The following DNAJC1 variants were observed in gnomAD, a reference collection of about 807,000 sequenced individuals.
DNAJC1 encodes the protein DnaJ heat shock protein family (Hsp40) member C1.
Under a neutral mutation model 76.6 loss-of-function variants are expected in DNAJC1, and 58 were observed. The ratio of observed to expected loss-of-function variants is 0.76; its 90% CI spans 0.61 to 0.94. The LOEUF (loss-of-function observed/expected upper bound fraction) is 0.94. DNAJC1 is among the 40% of genes least tolerant of loss of function. The pLI is 0.00. For missense variants in DNAJC1, 689 were observed against 677.3 expected, an observed-to-expected ratio of 1.02 and a Z score of -0.19; for synonymous variants, 258 against 267.9, an observed-to-expected ratio of 0.96 and a Z score of 0.36.
intron 1 of DNAJC1, among the ~76,000 whole-genome samples, chr10:21,967,466 A>G (rs1837912127): frequency 6.6e-6 from 1 of 152,116 alleles, no homozygotes; most frequent in African/African-American, 2.4e-5. Context: ...CCTGTCCCAG[A>G]CCTGGAACCA....
At chr10:21,790,318 C>T (rs1834668797) in intron 9 of DNAJC1, among the ~76,000 whole-genome samples, 1 of 151,654 alleles carries the variant, frequency 6.6e-6, no homozygotes, top group Admixed American at 6.6e-5. Flanking sequence ...CCAGAGACCC[C>T]CAAATAGATT....
chr10:21,971,243 G>A (rs1396807919), intron 1 of DNAJC1, among the ~76,000 whole-genome samples: 1 of 151,712 alleles, frequency 6.6e-6, no homozygotes, highest in Non-Finnish European at 1.5e-5. Flanking sequence ...CTAGTGAATA[G>A]TTCCCTTTTA....
intron 9 of DNAJC1, among the ~76,000 whole-genome samples, chr10:21,805,374 A>G (rs79936170): frequency 6.6e-6 from 1 of 151,904 alleles, no homozygotes; most frequent in African/African-American, 2.4e-5. Context: ...CCTCAATAAA[A>G]GCATCTAAAG....
intron 9 of DNAJC1, among the ~76,000 whole-genome samples, chr10:21,787,851 T>C (rs2131632275): frequency 6.6e-6 from 1 of 152,344 alleles, no homozygotes; most frequent in Middle Eastern, 3.4e-3. Flanking sequence ...TGCACAGCTT[T>C]GCTCCCCCAG....
intron 9 of DNAJC1, among the ~76,000 whole-genome samples, chr10:21,801,370 A>G (rs998275508): frequency 6.6e-6 from 1 of 152,224 alleles, no homozygotes; most frequent in African/African-American, 2.4e-5. Flanking sequence ...TGCAGCCAAC[A>G]AGGATATGAA....
chr10:21,951,787 A>G (rs1837598805), intron 1 of DNAJC1, among the ~76,000 whole-genome samples: 1 of 152,226 alleles, frequency 6.6e-6, no homozygotes, highest in East Asian at 1.9e-4. Context: ...AACAGGCCAT[A>G]CTTTTACAAG....
chr10:21,838,392 G>C (rs1426131538), intron 8 of DNAJC1, among the ~76,000 whole-genome samples: 7 of 152,138 alleles, frequency 4.6e-5, no homozygotes, highest in Non-Finnish European at 8.8e-5. Flanking sequence ...GGCGGTGCAA[G>C]ATGTGCTTTG....
chr10:21,850,633 CA>C (rs1171719496), intron 8 of DNAJC1, among the ~76,000 whole-genome samples: 2 of 150,696 alleles, frequency 1.3e-5, no homozygotes, highest in African/African-American at 4.9e-5. Context: ...CAATACCCAA[CA>C]AAATCCCAAT....
intron 7 of DNAJC1, among the ~76,000 whole-genome samples, chr10:21,882,857 G>T (rs995010002): frequency 2.0e-5 from 3 of 151,948 alleles, no homozygotes; most frequent in Non-Finnish European, 4.4e-5. Flanking sequence ...TCACTAAATG[G>T]TATACATTTA....
intron 1 of DNAJC1, among the ~76,000 whole-genome samples, chr10:21,982,325 T>G (rs550995894): frequency 1.3e-5 from 2 of 152,192 alleles, no homozygotes; most frequent in South Asian, 4.1e-4. Context: ...GGGAAAAAAC[T>G]TCATGATATT....
At chr10:22,002,850 T>G (rs1590088420) in intron 1 of DNAJC1, among the ~76,000 whole-genome samples, 1 of 145,830 alleles carries the variant, frequency 6.9e-6, no homozygotes, top group African/African-American at 2.6e-5. Context: ...AAAAGGTAGG[T>G]GTTAAATTAA....
At chr10:21,889,096 G>A (rs1374569961) in intron 7 of DNAJC1, among the ~76,000 whole-genome samples, 4 of 152,108 alleles carry the variant, frequency 2.6e-5, no homozygotes, top group African/African-American at 9.7e-5. Context: ...ACAGCTCTGC[G>A]GGTTGTACAG....
intron 1 of DNAJC1, among the ~76,000 whole-genome samples, chr10:21,997,994 T>C (rs1211935013): frequency 6.6e-6 from 1 of 152,192 alleles, no homozygotes; most frequent in Non-Finnish European, 1.5e-5. Flanking sequence ...CTTGTCATTA[T>C]TTCAATTCAC....
At chr10:21,861,399 C>T (rs1453032001) in intron 8 of DNAJC1, among the ~76,000 whole-genome samples, 1 of 152,022 alleles carries the variant, frequency 6.6e-6, no homozygotes, top group East Asian at 1.9e-4. Flanking sequence ...CCCCAAATGT[C>T]AGTATTAATA....
chr10:21,766,799 C>T (rs1361034263), intron 9 of DNAJC1, among the ~76,000 whole-genome samples: 1 of 151,800 alleles, frequency 6.6e-6, no homozygotes, highest in Non-Finnish European at 1.5e-5. Flanking sequence ...GGGGAAACCC[C>T]GTTTCTATGA....
intron 8 of DNAJC1, among the ~76,000 whole-genome samples, chr10:21,844,175 G>A (rs1463653746): frequency 6.6e-6 from 1 of 151,982 alleles, no homozygotes; most frequent in African/African-American, 2.4e-5. Flanking sequence ...ATCCATTCTC[G>A]ATTATGTCTT....
chr10:21,866,785 T>C (rs1440326647), intron 8 of DNAJC1, among the ~76,000 whole-genome samples: 1 of 152,122 alleles, frequency 6.6e-6, no homozygotes, highest in Non-Finnish European at 1.5e-5. Flanking sequence ...ATAAAGCCAG[T>C]GTCAACACAA....
At chr10:21,770,667 G>C (rs905407041) in intron 9 of DNAJC1, among the ~76,000 whole-genome samples, 2 of 152,172 alleles carry the variant, frequency 1.3e-5, no homozygotes, top group African/African-American at 4.8e-5. Flanking sequence ...CCAAAGTGCT[G>C]GGAGTACAGG....
Position 21,834,202 on chromosome 10 carries a change from T to G in DNAJC1, c.979-28103A>C, listed in dbSNP as rs558478037. ...TGGCGTCAACCTGGGAGGTGGAGCT[T>G]GCAGTGAGCTGAGATCGTGCCACTG... On this transcript the variant is annotated intron_variant, in intron 8 of 11. Transcript: ENST00000376980. Among the ~76,000 whole-genome samples the G allele has an allele frequency of 2.0e-5, 3 of 152,012 alleles. No homozygotes were observed. The South Asian group carries it at 6.2e-4, about 32-fold the overall frequency.
Sources: allele counts gnomAD v4.1 joint callset (sites outside exome capture counted in the v4.1 genomes callset), GRCh38; gene constraint gnomAD v4.1.1; transcripts MANE v1.5; gene names NCBI Gene and HGNC (gene_info 2026-07-23, HGNC 2026-07-21).